CFAP92: variants seen among roughly 807,000 people sequenced by gnomAD.
CFAP92 encodes the protein uncharacterized protein CFAP92.
CFAP92 carries 86 observed loss-of-function variants against 106.3 expected under a neutral mutation model. The ratio of observed to expected loss-of-function variants is 0.81; its 90% CI spans 0.68 to 0.97. CFAP92 has a LOEUF of 0.97. CFAP92 is among the 50% of genes least tolerant of loss of function. The pLI, the probability that CFAP92 is intolerant of heterozygous loss-of-function variation, is 0.00. For synonymous variants in CFAP92, 477 were observed against 506.4 expected, an observed-to-expected ratio of 0.94 and a Z score of 0.78; for missense variants, 1,204 against 1,283.8, an observed-to-expected ratio of 0.94 and a Z score of 0.95.
chr3:129,022,480 A>T, the CFAP92 span, among the ~76,000 whole-genome samples: 1 of 152,214 alleles, frequency 6.6e-6, no homozygotes, highest in African/African-American at 2.4e-5. Flanking sequence ...GAGGAAGAGC[A>T]ACATCTGGCC....
chr3:128,915,340 T>A lies in CFAP92; in HGVS notation c.3123+17A>T. ...CCTATGGACACCCCACCTGAGACCC[T>A]GCTCTTCCCTGTGGACCTCATTCAG... On this transcript the variant is annotated intron_variant, in intron 14 of 15. Coordinates refer to ENST00000645291, the MANE Select transcript of CFAP92 (RefSeq NM_001394090.1). 6.5e-7 allele frequency: 1 copy of A among 1,536,110 alleles called. No homozygotes were observed.
At chr3:128,953,815 C>CG (rs1288672402) in intron 9 of CFAP92, among the ~76,000 whole-genome samples, 1 of 122,736 alleles carries the variant, frequency 8.1e-6, no homozygotes, top group Admixed American at 7.6e-5. Flanking sequence ...CTGTGTTGGC[C>CG]GGGCCGGTCT....
intron 6 of CFAP92, 84 bp from the exon 7 acceptor site, chr3:128,975,987 A>G: frequency 7.2e-7 from 1 of 1,382,886 alleles, no homozygotes; most frequent in Non-Finnish European, 9.6e-7. Flanking sequence ...GATGGACTAA[A>G]TGAGAGCAGA....
chr3:129,020,913 G>A, the CFAP92 span, among the ~76,000 whole-genome samples: 1 of 152,222 alleles, frequency 6.6e-6, no homozygotes, highest in African/African-American at 2.4e-5. Flanking sequence ...AAACCCACAG[G>A]GGTGGGCACC....
At chr3:128,941,732 C>T (rs1338255005) in intron 10 of CFAP92, among the ~76,000 whole-genome samples, 2 of 152,214 alleles carry the variant, frequency 1.3e-5, no homozygotes, top group East Asian at 3.8e-4. Context: ...CCACCTTGGC[C>T]TCCCAAAGTG....
intron 15 of CFAP92, among the ~76,000 whole-genome samples, chr3:128,913,965 G>A (rs190518450): frequency 8.5e-5 from 13 of 152,220 alleles, no homozygotes; most frequent in South Asian, 2.1e-4. Context: ...GGCTGGTGGC[G>A]TGTAAGGCCT....
At chr3:128,976,026 C>G in intron 6 of CFAP92, 123 bp from the exon 7 acceptor site, 1 of 888,732 alleles carries the variant, frequency 1.1e-6, no homozygotes, top group South Asian at 2.0e-5. Flanking sequence ...GTGCATTCCT[C>G]TAACCCAGTG....
chr3:128,972,942 C>G (rs553355153), intron 7 of CFAP92, among the ~76,000 whole-genome samples: 2 of 152,172 alleles, frequency 1.3e-5, no homozygotes, highest in South Asian at 4.2e-4. Context: ...TGATCATCCC[C>G]TCAGTCTTGC....
intron 1 of CFAP92, among the ~76,000 whole-genome samples, chr3:129,000,743 G>A (rs557467541): frequency 3.6e-4 from 55 of 152,336 alleles, no homozygotes; most frequent in African/African-American, 1.1e-3. Flanking sequence ...GATGGAACTC[G>A]GATCCCATTG....
intron 15 of CFAP92, among the ~76,000 whole-genome samples, chr3:128,911,547 T>C (rs1398129805): frequency 6.6e-6 from 1 of 152,164 alleles, no homozygotes; most frequent in Non-Finnish European, 1.5e-5. Flanking sequence ...AAGCAACTCC[T>C]GTGCCTCAGC....
At position 128,935,124 on chromosome 3, in the gene CFAP92, CCTGG is replaced by C; in HGVS notation, c.2450_2453del (p.Ala817GlyfsTer15). On this transcript the variant is annotated frameshift_variant and splice_region_variant, in exon 11 of 16. Transcript: ENST00000645291. LOFTEE classifies it high-confidence loss of function. ...ACCACATGCGAGCTGCCACTGCCCA[CCTGG>C]CTAGAGCCTGGAAGACCCGCCTCCG... 3 of 1,515,070 alleles carry C rather than the reference CCTGG, an allele frequency of 2.0e-6. No homozygotes were observed. Among genetic ancestry groups the C allele is most frequent in the Non-Finnish European group, 1.8e-6 (2 of 1,133,342 alleles). The allele number at this position is 1,515,070 out of a possible 1,614,324, so 93.9% of individuals were successfully genotyped here. A position where few individuals can be genotyped will look rare whatever the true frequency, so the allele number is the denominator to read the frequency against.
intron 9 of CFAP92, among the ~76,000 whole-genome samples, chr3:128,946,801 G>T (rs951265891): frequency 6.6e-6 from 1 of 151,998 alleles, no homozygotes; most frequent in Admixed American, 6.6e-5. Context: ...CACAGAACAC[G>T]TAAAGACAAA....
intron 15 of CFAP92, chr3:128,912,722 C>T (rs779327804): frequency 7.1e-6 from 7 of 979,704 alleles, no homozygotes; most frequent in Non-Finnish European, 9.8e-6. Context: ...CCTTTTGTTC[C>T]CCGTCTGCAC....
chr3:128,998,113 T>C (rs936709741), upstream of CFAP92, among the ~76,000 whole-genome samples: 3 of 152,238 alleles, frequency 2.0e-5, no homozygotes, highest in Admixed American at 2.0e-4. Context: ...AAATGTCTGT[T>C]TGTATCTTCA....
intron 12 of CFAP92, among the ~76,000 whole-genome samples, chr3:128,927,729 A>G (rs1937841583): frequency 6.6e-6 from 1 of 151,808 alleles, no homozygotes; most frequent in Non-Finnish European, 1.5e-5. Flanking sequence ...GTCTCAAAAA[A>G]AAAAAAAAAA....
At chr3:128,959,141 T>A (rs185894256) in intron 9 of CFAP92, among the ~76,000 whole-genome samples, 164 of 152,014 alleles carry the variant, frequency 1.1e-3, no homozygotes, top group African/African-American at 3.7e-3. Context: ...ACCCAGGAGG[T>A]GGAGGTTGTG....
intron 12 of CFAP92, among the ~76,000 whole-genome samples, chr3:128,925,757 C>CA (rs1261659716): frequency 6.6e-6 from 1 of 152,120 alleles, no homozygotes; most frequent in Non-Finnish European, 1.5e-5. Context: ...CAAACATCAT[C>CA]ATAAAACTGC....
At chr3:128,940,293 G>A (rs977406702) in intron 10 of CFAP92, among the ~76,000 whole-genome samples, 3 of 152,150 alleles carry the variant, frequency 2.0e-5, no homozygotes, top group Non-Finnish European at 4.4e-5. Flanking sequence ...ACTAATTGGC[G>A]ATAATCCACA....
intron 12 of CFAP92, among the ~76,000 whole-genome samples, chr3:128,918,185 T>G (rs1339244664): frequency 6.6e-6 from 1 of 152,178 alleles, no homozygotes; most frequent in Non-Finnish European, 1.5e-5. Context: ...TAAAAACTCT[T>G]GGGGCCAGAT....
Sources: allele counts gnomAD v4.1 joint callset (sites outside exome capture counted in the v4.1 genomes callset), GRCh38; gene constraint gnomAD v4.1.1; transcripts MANE v1.5; gene names NCBI Gene and HGNC (gene_info 2026-07-23, HGNC 2026-07-21).